Variants in SHISA9 observed in about 807,000 individuals in gnomAD.
The protein encoded by SHISA9 is protein shisa-9.
In SHISA9, 13 loss-of-function variants were observed where a neutral mutation model predicts 38.0. The observed-to-expected ratio is 0.34, with a 90% confidence interval of 0.22 to 0.54. The LOEUF (loss-of-function observed/expected upper bound fraction) is 0.54. SHISA9 is among the 20% of genes least tolerant of loss of function. SHISA9 has a pLI of 0.91. For synonymous variants in SHISA9, 275 were observed against 242.0 expected, an observed-to-expected ratio of 1.14 and a Z score of -1.27; for missense variants, 538 against 575.8, an observed-to-expected ratio of 0.93 and a Z score of 0.67.
chr16:13,397,515 A>G, the SHISA9 span, among the ~76,000 whole-genome samples: 6 of 152,268 alleles, frequency 3.9e-5, no homozygotes, highest in South Asian at 1.2e-3. Flanking sequence ...GCTTACTGCA[A>G]TCTTCACCTC....
intron 2 of SHISA9, 85 bp downstream of exon 2, chr16:12,916,900 G>T (rs1490397259): frequency 2.8e-6 from 4 of 1,452,188 alleles, no homozygotes. Context: ...GAGTGTGCTT[G>T]GGTTAGTTAA....
At chr16:13,289,292 GT>G in the SHISA9 span, among the ~76,000 whole-genome samples, 5 of 128,104 alleles carry the variant, frequency 3.9e-5, no homozygotes. Flanking sequence ...GCCATTTAAA[GT>G]TTCTTAAGGG....
At position 12,908,600 on chromosome 16, in the gene SHISA9, G is replaced by T. The variant is rs755073054; in HGVS notation, c.563+5973G>T. ...AGTCTGAGTGCACGGATCCTTGGCC[G>T]CTAGGCTGCACTGCGTTTGAGTGCA... On this transcript the variant is annotated intron_variant, in intron 1 of 4. Coordinates refer to ENST00000558583, the MANE Select transcript of SHISA9 (RefSeq NM_001145204.3). The T allele has an allele frequency of 2.7e-5, 42 of 1,551,528 alleles. No homozygotes were observed. The East Asian group carries it at 9.0e-4, about 33-fold the overall frequency.
the SHISA9 span, among the ~76,000 whole-genome samples, chr16:13,433,620 A>G: frequency 6.6e-6 from 1 of 152,240 alleles, no homozygotes; most frequent in Admixed American, 6.5e-5. Context: ...TGTTCTCACC[A>G]CCACATGTCA....
the SHISA9 span, among the ~76,000 whole-genome samples, chr16:13,359,198 T>A: frequency 5.3e-5 from 8 of 152,200 alleles, no homozygotes; most frequent in Non-Finnish European, 1.0e-4. Flanking sequence ...AGAATCAACT[T>A]GTTAATACTG....
intron 2 of SHISA9, among the ~76,000 whole-genome samples, chr16:12,934,067 G>T (rs1846900): frequency 7.9e-5 from 12 of 152,096 alleles, no homozygotes; most frequent in Admixed American, 2.6e-4. Context: ...AAAAAACTCC[G>T]CAGGATGTGC....
chr16:13,122,103 G>T (rs1230870454), intron 2 of SHISA9, among the ~76,000 whole-genome samples: 1 of 152,094 alleles, frequency 6.6e-6, no homozygotes, highest in East Asian at 1.9e-4. Context: ...TACTGGTCGG[G>T]GGATCTAGCA....
chr16:13,208,671 A>G lies in SHISA9; in HGVS notation c.848-4582A>G, dbSNP rs561828797. On this transcript the variant is annotated intron_variant, in intron 3 of 4. Coordinates refer to ENST00000558583, the MANE Select transcript of SHISA9 (RefSeq NM_001145204.3). ...GTAAAATATTAGCACACACTGGGGAATTGTTAGTGGCTAAACCGTATAGGA... is the reference window on the plus strand; with the variant it reads ...GTAAAATATTAGCACACACTGGGGAGTTGTTAGTGGCTAAACCGTATAGGA... 1.3e-3 allele frequency among the ~76,000 whole-genome samples: 197 copies of G among 152,224 alleles called. 1 individual carries two copies. Among genetic ancestry groups the G allele is most frequent in the African/African-American group, 4.6e-3 (191 of 41,554 alleles).
chr16:13,338,013 A>G, the SHISA9 span, among the ~76,000 whole-genome samples: 1 of 152,214 alleles, frequency 6.6e-6, no homozygotes, highest in Non-Finnish European at 1.5e-5. Context: ...AGTTCTTAAT[A>G]GCAATGCAAG....
chr16:13,007,360 T>A (rs1390960588), intron 2 of SHISA9, among the ~76,000 whole-genome samples: 5 of 152,208 alleles, frequency 3.3e-5, no homozygotes, highest in Admixed American at 2.0e-4. Flanking sequence ...CCACCCCCAA[T>A]AGGCCTCTAG....
Position 13,156,780 on chromosome 16 carries a change from C to G in SHISA9, c.692-46614C>G, listed in dbSNP as rs531335043. Among the ~76,000 whole-genome samples the G allele has an allele frequency of 5.9e-5, 9 of 151,768 alleles. No individual in the cohort carries two copies. The East Asian group carries it at 1.7e-3, about 29-fold the overall frequency. On this transcript the variant is annotated intron_variant, in intron 2 of 4. Transcript: ENST00000558583. The stretch of plus-strand genomic sequence containing the variant: ...TTACTTCCTTGCACAACTGTGCAGA[C>G]CAATAGCTAGGCACACCTGCGGGAT...
chr16:12,954,340 T>C (rs972645554), intron 2 of SHISA9, among the ~76,000 whole-genome samples: 2 of 152,178 alleles, frequency 1.3e-5, no homozygotes, highest in Non-Finnish European at 2.9e-5. Flanking sequence ...AACATGGGCA[T>C]ACAGAACTCA....
chr16:12,935,848 C>T (rs1197900590), intron 2 of SHISA9, among the ~76,000 whole-genome samples: 1 of 41,236 alleles, frequency 2.4e-5, no homozygotes, highest in Non-Finnish European at 4.2e-5. Context: ...GAGCCTGTCT[C>T]AAAAAGAAAA....
At chr16:13,049,003 AAC>A (rs2073218250) in intron 2 of SHISA9, among the ~76,000 whole-genome samples, 1 of 152,236 alleles carries the variant, frequency 6.6e-6, no homozygotes, top group African/African-American at 2.4e-5. Flanking sequence ...TCATTCAAGA[AAC>A]ATTTCTGGTC....
At chr16:13,227,865 G>C (rs763974143) in intron 4 of SHISA9, among the ~76,000 whole-genome samples, 123 of 152,282 alleles carry the variant, frequency 8.1e-4, no homozygotes, top group African/African-American at 2.5e-3. Flanking sequence ...CAGAAAAGAA[G>C]GCAGCTTGGT....
intron 2 of SHISA9, among the ~76,000 whole-genome samples, chr16:13,005,789 T>A (rs1032217540): frequency 5.3e-5 from 8 of 152,196 alleles, no homozygotes; most frequent in Non-Finnish European, 8.8e-5. Context: ...GGAGTGAATA[T>A]TGGTGAGGGT....
At chr16:13,049,185 TG>T (rs2073222231) in intron 2 of SHISA9, among the ~76,000 whole-genome samples, 27 of 149,844 alleles carry the variant, frequency 1.8e-4, no homozygotes, top group Admixed American at 5.3e-4. Flanking sequence ...TGTGTGTGTG[TG>T]TGTGTGTGTG....
chr16:13,151,648 C>G (rs758662790), intron 2 of SHISA9, among the ~76,000 whole-genome samples: 1 of 152,150 alleles, frequency 6.6e-6, no homozygotes, highest in Non-Finnish European at 1.5e-5. Flanking sequence ...TTTACAAACT[C>G]TTTACAAGCT....
At chr16:13,454,630 A>T in the SHISA9 span, among the ~76,000 whole-genome samples, 6 of 152,216 alleles carry the variant, frequency 3.9e-5, no homozygotes, top group Admixed American at 3.9e-4. Flanking sequence ...AAATATAGGC[A>T]GACTTGCTCT....
Sources: gnomAD v4.1 joint callset for allele counts (sites outside exome capture counted in the v4.1 genomes callset) on GRCh38, gnomAD v4.1.1 for gene constraint, MANE v1.5 for transcripts, NCBI Gene and HGNC (gene_info 2026-07-23, HGNC 2026-07-21) for gene names.